The following TRAPPC9 variants were observed in gnomAD, a reference collection of about 807,000 sequenced individuals.
TRAPPC9 encodes trafficking protein particle complex subunit 9, also known as IKK2 binding protein.
TRAPPC9 carries 83 observed loss-of-function variants against 124.0 expected under a neutral mutation model. The ratio of observed to expected loss-of-function variants is 0.67; its 90% CI spans 0.56 to 0.80. The LOEUF is 0.80. TRAPPC9 is among the 30% of genes least tolerant of loss of function. The pLI is 0.00. For missense variants in TRAPPC9, 1,302 were observed against 1,508.3 expected (o/e 0.86, Z 2.27); for synonymous variants, 638 against 617.5 (o/e 1.03, Z -0.49).
chr8:139,841,177 G>C (rs937359329), intron 21 of TRAPPC9, among the ~76,000 whole-genome samples: 4 of 152,094 alleles, frequency 2.6e-5, no homozygotes, highest in Admixed American at 2.0e-4. Context: ...CCTTCTTGTG[G>C]TCCTTCTCAC....
At chr8:140,266,494 C>T (rs536959588) in intron 15 of TRAPPC9, among the ~76,000 whole-genome samples, 167 of 149,574 alleles carry the variant, frequency 1.1e-3, no homozygotes, top group African/African-American at 3.6e-3. Flanking sequence ...CTTGCTTACA[C>T]GTGAATTCAA....
rs1451172391 is a variant in TRAPPC9 at position 140,045,645 on chromosome 8, A to AC, written c.2557-21567_2557-21566insG. On this transcript the variant is annotated intron_variant, in intron 17 of 22. Coordinates refer to ENST00000438773, the MANE Select transcript of TRAPPC9 (RefSeq NM_001160372.4). ...CCATCTCGGCAGAAAAAAAAAAAAA[A>AC]AAAAAAAAAAAAAACCAAGTCAGGT... 1.8e-4 allele frequency among the ~76,000 whole-genome samples: 26 copies of AC among 140,760 alleles called. 1 individual carries two copies. Among genetic ancestry groups the AC allele is most frequent in the African/African-American group, 2.4e-4 (9 of 37,698 alleles). The allele number at this position is 140,760 out of a possible 152,430, so 92.3% of individuals were successfully genotyped here.
At chr8:140,199,381 G>A (rs1016737470) in intron 17 of TRAPPC9, among the ~76,000 whole-genome samples, 3 of 152,196 alleles carry the variant, frequency 2.0e-5, no homozygotes, top group Admixed American at 6.5e-5. Flanking sequence ...CCACCTCACA[G>A]GGATCCTGTG....
chr8:140,050,457 G>A (rs1343687706), intron 17 of TRAPPC9, among the ~76,000 whole-genome samples: 2 of 152,168 alleles, frequency 1.3e-5, no homozygotes, highest in South Asian at 2.1e-4. Flanking sequence ...GAAGTATCAT[G>A]TTGTGCCTCT....
At chr8:140,367,268 C>T (rs2068142597) in intron 8 of TRAPPC9, among the ~76,000 whole-genome samples, 1 of 152,206 alleles carries the variant, frequency 6.6e-6, no homozygotes, top group South Asian at 2.1e-4. Context: ...AAAACTTGCA[C>T]ATGAATGTTT....
Position 139,910,230 on chromosome 8 carries a change from C to T in TRAPPC9, c.2881G>A (p.Ala961Thr), listed in dbSNP as rs1433661733. The T allele has an allele frequency of 1.2e-6, 2 of 1,614,008 alleles. No homozygotes were observed. Among genetic ancestry groups the T allele is most frequent in the African/African-American group, 2.7e-5 (2 of 74,924 alleles). Residue 961 changes from alanine (A) to threonine (T), a missense_variant, in exon 20 of 23, where the codon GCA becomes ACA. By Grantham distance (58) the Ala-to-Thr change is moderately conservative. Transcript: ENST00000438773. Reference protein sequence around the residue: ...PESPGEKGQFANPKQLEEERR... With the variant: ...PESPGEKGQFTNPKQLEEERR... ...TCTTCCTCCAGCTGCTTGGGGTTTG[C>T]AAATTGCCCCTTCTCCCCAGGGGAC... is the stretch of plus-strand genomic sequence containing the variant.
intron 17 of TRAPPC9, among the ~76,000 whole-genome samples, chr8:140,071,053 A>G (rs1273738386): frequency 6.6e-6 from 1 of 152,224 alleles, no homozygotes; most frequent in Non-Finnish European, 1.5e-5. Context: ...TTGGTGCCCC[A>G]TATTATCTCA....
chr8:140,444,765 AGGCT>A (rs2071178667), intron 2 of TRAPPC9, among the ~76,000 whole-genome samples: 1 of 151,562 alleles, frequency 6.6e-6, no homozygotes, highest in Non-Finnish European at 1.5e-5. Context: ...TTAGGAGGCA[AGGCT>A]GGAGAATCAC....
chr8:140,408,750 G>C (rs1045947796), intron 5 of TRAPPC9, among the ~76,000 whole-genome samples: 1 of 151,786 alleles, frequency 6.6e-6, no homozygotes, highest in African/African-American at 2.4e-5. Flanking sequence ...GGAATCACTG[G>C]GGCCAAGATG....
At chr8:140,444,867 G>GAA (rs71320363) in intron 2 of TRAPPC9, among the ~76,000 whole-genome samples, 15 of 113,960 alleles carry the variant, frequency 1.3e-4, no homozygotes, top group South Asian at 1.2e-3. Flanking sequence ...CCAATCTCAG[G>GAA]AAAAAAAAAA....
At chr8:139,861,446 G>T (rs1470019152) in intron 21 of TRAPPC9, among the ~76,000 whole-genome samples, 2 of 152,216 alleles carry the variant, frequency 1.3e-5, no homozygotes, top group African/African-American at 4.8e-5. Flanking sequence ...ACCAGGATGA[G>T]TCAGGATGGA....
chr8:140,318,012 G>T (rs930315994), intron 9 of TRAPPC9, among the ~76,000 whole-genome samples: 1 of 152,102 alleles, frequency 6.6e-6, no homozygotes, highest in East Asian at 1.9e-4. Context: ...GTATAATATT[G>T]TAGTTATATA....
At chr8:140,036,880 G>A (rs897725168) in intron 17 of TRAPPC9, among the ~76,000 whole-genome samples, 1 of 151,874 alleles carries the variant, frequency 6.6e-6, no homozygotes, top group Non-Finnish European at 1.5e-5. Context: ...AAGTTCTGGG[G>A]CACATGTGCA....
At chr8:139,974,537 G>A (rs1331347987) in intron 19 of TRAPPC9, among the ~76,000 whole-genome samples, 1 of 152,148 alleles carries the variant, frequency 6.6e-6, no homozygotes, top group Non-Finnish European at 1.5e-5. Flanking sequence ...CAGCCCTTGT[G>A]GAAACTAAAG....
intron 20 of TRAPPC9, chr8:139,908,530 C>T (rs1023825987): frequency 4.6e-5 from 7 of 152,230 alleles, no homozygotes; most frequent in African/African-American, 1.7e-4. Flanking sequence ...CCCTCCTTTC[C>T]CCAGCCTGGC....
At chr8:140,017,603 A>T (rs1839550470) in intron 18 of TRAPPC9, among the ~76,000 whole-genome samples, 1 of 152,226 alleles carries the variant, frequency 6.6e-6, no homozygotes. Flanking sequence ...TTACACCAAT[A>T]ACATACTCTC....
chr8:139,978,299 A>G (rs992913312), intron 19 of TRAPPC9, among the ~76,000 whole-genome samples: 1 of 152,258 alleles, frequency 6.6e-6, no homozygotes, highest in Non-Finnish European at 1.5e-5. Flanking sequence ...CACATTAAAC[A>G]TGGATTGAGA....
chr8:140,143,800 T>C (rs1000023746), intron 17 of TRAPPC9, among the ~76,000 whole-genome samples: 25 of 152,350 alleles, frequency 1.6e-4, no homozygotes, highest in African/African-American at 4.6e-4. Flanking sequence ...CTTCCACTGA[T>C]TTATAATGCC....
intron 19 of TRAPPC9, among the ~76,000 whole-genome samples, chr8:139,937,931 G>A (rs757649396): frequency 6.6e-6 from 1 of 152,150 alleles, no homozygotes; most frequent in Non-Finnish European, 1.5e-5. Context: ...ATTACCAGAT[G>A]CACAGAGACA....
Sources: gnomAD v4.1 joint callset for allele counts (sites outside exome capture counted in the v4.1 genomes callset) on GRCh38, gnomAD v4.1.1 for gene constraint, MANE v1.5 for transcripts, NCBI Gene and HGNC (gene_info 2026-07-23, HGNC 2026-07-21) for gene names.